The following VWA5B1 variants were observed in gnomAD, a reference collection of about 807,000 sequenced individuals.
The protein encoded by VWA5B1 is von Willebrand factor A domain containing 5B1, also known as von Willebrand factor A domain-containing protein 5B1.
VWA5B1 carries 115 observed loss-of-function variants against 118.2 expected under a neutral mutation model. The observed-to-expected ratio is 0.97, with a 90% CI of 0.84 to 1.14. VWA5B1 has a LOEUF of 1.14. VWA5B1 is among the 50% of genes most tolerant of loss of function. VWA5B1 has a pLI of 0.00. For missense variants in VWA5B1, 1,596 were observed against 1,603.8 expected (o/e 1.00, Z 0.08); for synonymous variants, 682 against 658.4 (o/e 1.04, Z -0.55).
At chr1:20,321,769 G>A (rs1040787518) in intron 7 of VWA5B1, among the ~76,000 whole-genome samples, 1 of 152,108 alleles carries the variant, frequency 6.6e-6, no homozygotes, top group Non-Finnish European at 1.5e-5. Context: ...CACAGGGGAT[G>A]GAAGAGCAGG....
intron 3 of VWA5B1, among the ~76,000 whole-genome samples, chr1:20,314,035 G>A (rs938362331): frequency 4.6e-5 from 7 of 152,180 alleles, no homozygotes; most frequent in Non-Finnish European, 1.0e-4. Context: ...GGTTCTTGGG[G>A]TGGGAAGTAG....
chr1:20,352,741 G>A (rs2090154154), intron 21 of VWA5B1, among the ~76,000 whole-genome samples: 1 of 152,222 alleles, frequency 6.6e-6, no homozygotes, highest in Non-Finnish European at 1.5e-5. Flanking sequence ...GAGGAGCACA[G>A]TTTGAGCATC....
At chr1:20,350,809 G>C in intron 19 of VWA5B1, 48 bp from the exon 20 acceptor site, 1 of 1,533,518 alleles carries the variant, frequency 6.5e-7, no homozygotes. Flanking sequence ...TGAGCAGTTG[G>C]ACGGGGTCAT....
intron 1 of VWA5B1, among the ~76,000 whole-genome samples, chr1:20,301,082 C>T (rs964943990): frequency 1.3e-4 from 20 of 152,216 alleles, no homozygotes; most frequent in African/African-American, 4.8e-4. Flanking sequence ...TGCTCTGGGA[C>T]CTCAGAGAGA....
intron 1 of VWA5B1, among the ~76,000 whole-genome samples, chr1:20,309,228 C>T (rs1334430143): frequency 6.6e-6 from 1 of 152,182 alleles, no homozygotes; most frequent in Non-Finnish European, 1.5e-5. Context: ...CGATGTGGCC[C>T]ATGCCCACGT....
intron 4 of VWA5B1, 60 bp from the exon 5 acceptor site, chr1:20,317,470 G>A (rs1029095259): frequency 3.5e-5 from 54 of 1,529,848 alleles, no homozygotes; most frequent in South Asian, 2.4e-4. Context: ...TTGTCTTCTC[G>A]CGCTGGACCC....
At chr1:20,314,625 C>T (rs2088949266) in intron 4 of VWA5B1, 33 bp downstream of exon 4, 1 of 1,543,648 alleles carries the variant, frequency 6.5e-7, no homozygotes, top group Non-Finnish European at 8.8e-7. Flanking sequence ...AATCAGAGTC[C>T]CAGGTGGGCA....
rs1357508439 is a variant in VWA5B1 at position 20,327,710 on chromosome 1, C to T, written c.1144-180C>T. 3.3e-5 allele frequency among the ~76,000 whole-genome samples: 5 copies of T among 151,916 alleles called. No individual in the cohort carries two copies. In the East Asian group the frequency reaches 9.7e-4, roughly 29 times the overall value. On this transcript the variant is annotated intron_variant, in intron 8 of 21. Transcript: ENST00000289815. Reference sequence around the variant, plus strand: ...GTGGTGGTGGTGGCTTTGGTCCAGCCTCTGGTCAGTGTCAGCAAATTTCTT... The same window carrying T: ...GTGGTGGTGGTGGCTTTGGTCCAGCTTCTGGTCAGTGTCAGCAAATTTCTT...
intron 9 of VWA5B1, 33 bp from the exon 10 acceptor site, chr1:20,330,147 C>T (rs910036582): frequency 2.8e-5 from 43 of 1,550,422 alleles, no homozygotes; most frequent in Admixed American, 1.6e-4. Flanking sequence ...CTGTACCATA[C>T]GGTGACACTG....
At chr1:20,291,762 T>G (rs1300439457) in intron 1 of VWA5B1, among the ~76,000 whole-genome samples, 1 of 152,108 alleles carries the variant, frequency 6.6e-6, no homozygotes, top group Non-Finnish European at 1.5e-5. Context: ...GAGCCCCGTG[T>G]CTCCTGCAAG....
intron 17 of VWA5B1, 85 bp downstream of exon 17, chr1:20,345,678 ACAGACCAG>A: frequency 1.4e-6 from 2 of 1,452,804 alleles, no homozygotes. Context: ...ACAAAGGACC[ACAGACCAG>A]CAGGGAGCGG....
rs951592838 is a variant in VWA5B1 at position 20,343,444 on chromosome 1, C to A, written c.2626+51C>A. ...CCCGCGGACGGCCTCCGGAGGACAGCCCCGCTCCACAGCCGCTCCCCCTTC... is the reference window on the plus strand; with the variant it reads ...CCCGCGGACGGCCTCCGGAGGACAGACCCGCTCCACAGCCGCTCCCCCTTC... On this transcript the variant is annotated intron_variant, in intron 16 of 21. Transcript: ENST00000289815. The A allele has an allele frequency of 4.4e-5, 64 of 1,463,688 alleles. No individual in the cohort carries two copies. The Admixed American group carries it at 1.4e-3, about 32-fold the overall frequency. 90.7% of individuals were successfully genotyped at this position (1,463,688 alleles called of 1,614,324 possible).
At chr1:20,343,459 G>T in intron 16 of VWA5B1, 66 bp downstream of exon 16, 1 of 1,444,770 alleles carries the variant, frequency 6.9e-7, no homozygotes, top group Non-Finnish European at 9.1e-7. Context: ...CTCCACAGCC[G>T]CTCCCCCTTC....
rs1278897696 is a variant in VWA5B1, at chr1:20,310,655, T to C, written c.54T>C (p.Ser18=). 11 of 1,550,940 alleles carry C rather than the reference T, an allele frequency of 7.1e-6. No individual in the cohort carries two copies. Among genetic ancestry groups the C allele is most frequent in the Non-Finnish European group, 6.1e-6 (7 of 1,146,736 alleles). The change falls in exon 2 of 22, where the codon TCT becomes TCC. Residue 18 remains serine (S), a synonymous_variant. Coordinates refer to ENST00000289815, the MANE Select transcript of VWA5B1 (RefSeq NM_001039500.3). ...ITGAALPLTA[S]DVTSCVSGYA... ...GGGCAGCCCTGCCCCTCACCGCGTC[T>C]GATGTTACCTCCTGTGTCAGCGGTT... is the stretch of plus-strand genomic sequence containing the variant.
At chr1:20,312,810 C>T (rs1201804481) in intron 2 of VWA5B1, 26 bp from the exon 3 acceptor site, 15 of 1,533,876 alleles carry the variant, frequency 9.8e-6, no homozygotes, top group South Asian at 7.3e-5. Flanking sequence ...TGGGGCACCC[C>T]GTGATGCTGG....
At position 20,314,500 on chromosome 1, in the gene VWA5B1, G is replaced by C. The variant is rs1486019177; in HGVS notation, c.471G>C (p.Gly157=). The change falls in exon 4 of 22, where the codon GGG becomes GGC. Residue 157 remains glycine, a synonymous_variant. Transcript: ENST00000289815. ...TSSELPTLPS[G]AVRVLLPAVC... is the part of the protein sequence containing the mutation. ...CGGAGCTCCCAACGCTGCCCAGCGG[G>C]GCTGTGAGGGTCCTTCTGCCTGCTG... The C allele has an allele frequency of 6.4e-7, 1 of 1,551,626 alleles. No homozygotes were observed. The highest frequency in any genetic ancestry group is 1.4e-5 in the African/African-American group (1 of 73,036).
At chr1:20,291,319 TCA>T (rs2088294481) in intron 1 of VWA5B1, among the ~76,000 whole-genome samples, 1 of 147,796 alleles carries the variant, frequency 6.8e-6, no homozygotes, top group African/African-American at 2.6e-5. Flanking sequence ...ATGTTGCTAC[TCA>T]GGTCCAGCTC....
intron 15 of VWA5B1, among the ~76,000 whole-genome samples, 161 bp downstream of exon 15, chr1:20,342,770 C>T (rs531322120): frequency 1.7e-4 from 26 of 152,336 alleles, no homozygotes; most frequent in Non-Finnish European, 2.9e-4. Context: ...TCCCACGCTT[C>T]CCAGTCACCC....
chr1:20,352,088 A>C lies in VWA5B1; in HGVS notation c.3057A>C (p.Arg1019=). Residue 1019 remains arginine, a synonymous_variant, in exon 21 of 22, where the codon CGA becomes CGC. Transcript: ENST00000289815. ...LNLNKSRLLT[R]AAKGFLSKPL... ...TCAACAAGTCCAGGCTACTGACGCG[A>C]GCAGCCAAGGGCTTCCTGAGCAAGC... 3 of 1,551,300 alleles carry C rather than the reference A, an allele frequency of 1.9e-6. No individual in the cohort carries two copies. Among genetic ancestry groups the C allele is most frequent in the Non-Finnish European group, 2.6e-6 (3 of 1,146,946 alleles).
Sources: gnomAD v4.1 joint callset for allele counts (sites outside exome capture counted in the v4.1 genomes callset) on GRCh38, gnomAD v4.1.1 for gene constraint, MANE v1.5 for transcripts, NCBI Gene and HGNC (gene_info 2026-07-23, HGNC 2026-07-21) for gene names.